KLHL1: variants seen among roughly 807,000 people sequenced by gnomAD.
KLHL1 encodes the protein kelch like family member 1, also known as kelch-like protein 1.
A neutral mutation model predicts 77.7 loss-of-function variants in KLHL1; 47 were observed. That is an observed-to-expected ratio of 0.60 (90% CI 0.48 to 0.77). The LOEUF (loss-of-function observed/expected upper bound fraction) is 0.77. KLHL1 is among the 30% of genes least tolerant of loss of function. The pLI is 0.00. For synonymous variants in KLHL1, 360 were observed against 325.2 expected (o/e 1.11, Z -1.15); for missense variants, 925 against 910.8 (o/e 1.02, Z -0.20).
rs1455096415 is a variant in KLHL1 at position 69,700,681 on chromosome 13, G to C, written c.*1021C>G. On this transcript the variant is annotated 3_prime_UTR_variant, in exon 11 of 11. Coordinates refer to ENST00000377844, the MANE Select transcript of KLHL1 (RefSeq NM_020866.3). ...GGACATTGTGTAATGTTTCCACTTT[G>C]TTTTAAACAATTACAAACATGTGGC... 6.6e-6 allele frequency: 1 copy of C among 152,198 alleles called. No individual in the cohort carries two copies. Among genetic ancestry groups the C allele is most frequent in the African/African-American group, 2.4e-5 (1 of 41,366 alleles). 9.4% of individuals were successfully genotyped at this position (152,198 alleles called of 1,614,324 possible).
intron 1 of KLHL1, among the ~76,000 whole-genome samples, chr13:70,103,381 T>C (rs1223476537): frequency 1.3e-5 from 2 of 152,202 alleles, no homozygotes; most frequent in Middle Eastern, 3.4e-3. Context: ...TTGGCGTCCA[T>C]AGTATAAACT....
chr13:69,758,386 G>A (rs1247416970), intron 7 of KLHL1, among the ~76,000 whole-genome samples: 1 of 151,864 alleles, frequency 6.6e-6, no homozygotes, highest in Non-Finnish European at 1.5e-5. Context: ...ATTTTTTTCT[G>A]TTTTCCTCAA....
At chr13:69,891,154 C>A (rs1472965691) in intron 4 of KLHL1, among the ~76,000 whole-genome samples, 1 of 152,014 alleles carries the variant, frequency 6.6e-6, no homozygotes, top group Admixed American at 6.6e-5. Flanking sequence ...TACGCATAAA[C>A]CCTCTGCCGA....
intron 1 of KLHL1, among the ~76,000 whole-genome samples, chr13:70,040,596 A>G (rs950920561): frequency 6.6e-6 from 1 of 152,126 alleles, no homozygotes; most frequent in Non-Finnish European, 1.5e-5. Flanking sequence ...TTTTTCCCCT[A>G]TAGCTAATAC....
chr13:69,712,614 G>A (rs1875928804), intron 9 of KLHL1, among the ~76,000 whole-genome samples: 1 of 151,810 alleles, frequency 6.6e-6, no homozygotes, highest in African/African-American at 2.4e-5. Context: ...AGTTTTTCAA[G>A]GTTGTCTTGG....
chr13:70,106,636 AG>A (rs1317999235), intron 1 of KLHL1, among the ~76,000 whole-genome samples: 1 of 152,246 alleles, frequency 6.6e-6, no homozygotes, highest in Non-Finnish European at 1.5e-5. Flanking sequence ...ACAAAGTAAA[AG>A]GACCAGAAGA....
chr13:70,022,304 T>TGTGTGTGC (rs71116978), intron 1 of KLHL1, among the ~76,000 whole-genome samples: 4 of 91,516 alleles, frequency 4.4e-5, no homozygotes, highest in Non-Finnish European at 6.8e-5. Flanking sequence ...TGTGTGTGTG[T>TGTGTGTGC]ATGTGTTTGG....
intron 1 of KLHL1, among the ~76,000 whole-genome samples, chr13:70,007,226 A>T (rs1371444894): frequency 6.6e-6 from 1 of 152,052 alleles, no homozygotes; most frequent in African/African-American, 2.4e-5. Flanking sequence ...TCAAATGTGT[A>T]TTTTTATTTG....
chr13:69,981,404 TAA>T (rs1260157915), intron 1 of KLHL1, among the ~76,000 whole-genome samples: 8 of 152,014 alleles, frequency 5.3e-5, no homozygotes, highest in Non-Finnish European at 1.0e-4. Context: ...TTCTAAGTGA[TAA>T]GAGTTAGCTT....
chr13:70,089,862 G>C (rs1226809190), intron 1 of KLHL1, among the ~76,000 whole-genome samples: 1 of 152,060 alleles, frequency 6.6e-6, no homozygotes, highest in Non-Finnish European at 1.5e-5. Context: ...AGCACTCTAG[G>C]GTTGGTGGAA....
chr13:69,827,716 C>G (rs141389911), intron 6 of KLHL1, among the ~76,000 whole-genome samples: 3 of 129,478 alleles, frequency 2.3e-5, no homozygotes, highest in African/African-American at 9.2e-5. Flanking sequence ...GGCGACAGAG[C>G]GAGACCCTGT....
chr13:69,932,825 A>T (rs111321062), intron 4 of KLHL1, among the ~76,000 whole-genome samples: 2,144 of 152,092 alleles, frequency 0.014, 49 homozygotes, highest in African/African-American at 0.048. Flanking sequence ...TTGTAACACG[A>T]GTACAAATTG....
chr13:69,823,761 C>T (rs142787978), intron 6 of KLHL1, among the ~76,000 whole-genome samples: 1 of 152,168 alleles, frequency 6.6e-6, no homozygotes, highest in African/African-American at 2.4e-5. Context: ...TCTCTTACCT[C>T]TTGCTTGCTT....
chr13:69,966,671 T>C (rs8000924), intron 2 of KLHL1, among the ~76,000 whole-genome samples: 33,678 of 152,158 alleles, frequency 0.22, 4,136 homozygotes, highest in African/African-American at 0.33. Flanking sequence ...GTATAGATTG[T>C]GTAATGGTCA....
At chr13:69,792,077 TAACA>T (rs1436260784) in intron 7 of KLHL1, among the ~76,000 whole-genome samples, 4 of 152,170 alleles carry the variant, frequency 2.6e-5, no homozygotes, top group Non-Finnish European at 4.4e-5. Context: ...TTTACCTATG[TAACA>T]AACCTGCACA....
At chr13:70,014,566 C>T (rs1230070208) in intron 1 of KLHL1, among the ~76,000 whole-genome samples, 1 of 123,588 alleles carries the variant, frequency 8.1e-6, no homozygotes, top group African/African-American at 3.0e-5. Context: ...ATGATAAGTG[C>T]AAAATAAAGT....
chr13:70,005,472 T>C (rs1885383751), intron 1 of KLHL1, among the ~76,000 whole-genome samples: 1 of 152,004 alleles, frequency 6.6e-6, no homozygotes, highest in Non-Finnish European at 1.5e-5. Context: ...AATTTGTTTT[T>C]TGGATTTTTT....
intron 1 of KLHL1, among the ~76,000 whole-genome samples, chr13:70,045,338 A>T (rs1021942075): frequency 6.6e-6 from 1 of 152,078 alleles, no homozygotes; most frequent in Non-Finnish European, 1.5e-5. Context: ...CAGTTTCTCA[A>T]TTGCAAGCAT....
chr13:70,021,330 T>C (rs988378911), intron 1 of KLHL1, among the ~76,000 whole-genome samples: 1 of 152,148 alleles, frequency 6.6e-6, no homozygotes, highest in African/African-American at 2.4e-5. Context: ...TGGCTTTTCA[T>C]GGCTTGATAG....
Sources: gnomAD v4.1 joint callset for allele counts (sites outside exome capture counted in the v4.1 genomes callset) on GRCh38, gnomAD v4.1.1 for gene constraint, MANE v1.5 for transcripts, NCBI Gene and HGNC (gene_info 2026-07-23, HGNC 2026-07-21) for gene names.